The following CUBN variants were observed in gnomAD, a reference collection of about 807,000 sequenced individuals.
CUBN encodes cubilin, also known as 460 kDa receptor.
Under a neutral mutation model 405.3 loss-of-function variants are expected in CUBN, and 282 were observed. The observed-to-expected ratio is 0.70, with a 90% CI of 0.63 to 0.77. The LOEUF (loss-of-function observed/expected upper bound fraction) is 0.77, where lower values mean the gene tolerates loss of function less well. CUBN is among the 30% of genes least tolerant of loss of function. The pLI, the probability that CUBN is intolerant of heterozygous loss-of-function variation, is 0.00. For synonymous variants in CUBN, 1,684 were observed against 1,617.0 expected, an observed-to-expected ratio of 1.04 and a Z score of -0.99; for missense variants, 4,514 against 4,475.2, an observed-to-expected ratio of 1.01 and a Z score of -0.25.
intron 48 of CUBN, among the ~76,000 whole-genome samples, chr10:16,912,584 G>A (rs965122521): frequency 1.1e-4 from 16 of 152,182 alleles, no homozygotes; most frequent in Non-Finnish European, 2.1e-4. Context: ...GGATTAAAAG[G>A]CATTCGAGCA....
chr10:16,906,502 A>G (rs1391725413), intron 49 of CUBN, 93 bp from the exon 50 acceptor site: 1 of 885,430 alleles, frequency 1.1e-6, no homozygotes, highest in Non-Finnish European at 1.9e-6. Flanking sequence ...TAAAACATCA[A>G]CATTACTGCT....
intron 22 of CUBN, among the ~76,000 whole-genome samples, chr10:17,051,587 C>T (rs1249911860): frequency 6.7e-6 from 1 of 150,354 alleles, no homozygotes; most frequent in Non-Finnish European, 1.5e-5. Flanking sequence ...AAATTTTGGC[C>T]CAAAAAGGGA....
chr10:17,093,761 C>A (rs1376988573), intron 14 of CUBN, among the ~76,000 whole-genome samples: 2 of 151,430 alleles, frequency 1.3e-5, no homozygotes, highest in African/African-American at 4.8e-5. Flanking sequence ...GGCTACCAAA[C>A]AATGACTCCA....
chr10:17,106,014 G>A (rs1224854943), intron 10 of CUBN, among the ~76,000 whole-genome samples: 3 of 152,242 alleles, frequency 2.0e-5, no homozygotes, highest in African/African-American at 7.2e-5. Flanking sequence ...GCCAGGCACA[G>A]TGGCTCACGC....
chr10:17,087,460 A>ATTTTTC (rs1373328827), intron 15 of CUBN, among the ~76,000 whole-genome samples: 13 of 99,096 alleles, frequency 1.3e-4, no homozygotes, highest in African/African-American at 4.4e-4. Context: ...AATCACTATT[A>ATTTTTC]TTTTTCTTTT....
intron 28 of CUBN, among the ~76,000 whole-genome samples, chr10:17,010,751 C>A (rs776556951): frequency 6.6e-6 from 1 of 152,178 alleles, no homozygotes; most frequent in African/African-American, 2.4e-5. Context: ...TCCTAATGTA[C>A]GTTTCAAGCT....
intron 46 of CUBN, among the ~76,000 whole-genome samples, chr10:16,915,605 C>T (rs1841861259): frequency 6.6e-6 from 1 of 152,176 alleles, no homozygotes; most frequent in Admixed American, 6.6e-5. Context: ...CAAGTGGCCT[C>T]CAGGGTGGGC....
At chr10:16,961,054 T>C (rs897448379) in intron 31 of CUBN, among the ~76,000 whole-genome samples, 1 of 152,204 alleles carries the variant, frequency 6.6e-6, no homozygotes, top group Non-Finnish European at 1.5e-5. Context: ...CAAACATTTA[T>C]GAAATTTCTT....
At chr10:17,113,610 G>T (rs192910606) in intron 8 of CUBN, among the ~76,000 whole-genome samples, 1 of 152,262 alleles carries the variant, frequency 6.6e-6, no homozygotes, top group South Asian at 2.1e-4. Flanking sequence ...GGTCAAGGCC[G>T]CAAGATACTC....
chr10:16,948,349 T>G, intron 35 of CUBN, 129 bp downstream of exon 35: 1 of 1,152,440 alleles, frequency 8.7e-7, no homozygotes, highest in South Asian at 1.3e-5. Context: ...GGGAAGAAGG[T>G]AAGATTTGGC....
intron 31 of CUBN, among the ~76,000 whole-genome samples, chr10:16,967,843 CAGAG>C (rs143375881): frequency 0.42 from 46,087 of 110,596 alleles, 7,750 homozygotes; most frequent in Middle Eastern, 0.55. Context: ...GAAGGAGAGA[CAGAG>C]GGAGAGAGAG....
At chr10:16,835,312 C>T in intron 63 of CUBN, 117 bp from the exon 64 acceptor site, 1 of 917,588 alleles carries the variant, frequency 1.1e-6, no homozygotes, top group Non-Finnish European at 1.8e-6. Flanking sequence ...AAAAAGTAAT[C>T]CAGCTTCTTC....
At chr10:17,109,432 A>G (rs1241526418) in intron 10 of CUBN, among the ~76,000 whole-genome samples, 2 of 152,174 alleles carry the variant, frequency 1.3e-5, no homozygotes, top group Non-Finnish European at 2.9e-5. Flanking sequence ...TAATTACCTT[A>G]TTTCCTAAAT....
At chr10:17,056,786 G>C (rs904594407) in intron 22 of CUBN, among the ~76,000 whole-genome samples, 3 of 152,100 alleles carry the variant, frequency 2.0e-5, no homozygotes, top group African/African-American at 7.2e-5. Flanking sequence ...CACACTGGAA[G>C]AAAATACTTG....
chr10:16,919,852 C>T, intron 44 of CUBN, 111 bp downstream of exon 44: 1 of 1,174,366 alleles, frequency 8.5e-7, no homozygotes, highest in East Asian at 2.5e-5. Context: ...TCCCTTTTCC[C>T]CTAGATTTCC....
At chr10:17,051,188 C>A (rs938838278) in intron 22 of CUBN, among the ~76,000 whole-genome samples, 1 of 151,712 alleles carries the variant, frequency 6.6e-6, no homozygotes, top group African/African-American at 2.4e-5. Context: ...GGTGAAACAC[C>A]ATCTCTACTA....
At position 16,915,996 on chromosome 10, in the gene CUBN, A is replaced by T; in HGVS notation, c.7035T>A (p.Gly2345=). Residue 2345 remains glycine (G), a synonymous_variant, in exon 46 of 67, where the codon GGT becomes GGA. Coordinates refer to ENST00000377833, the MANE Select transcript of CUBN (RefSeq NM_001081.4). ...TTGGATGTCCAATGCTTTCAACAAC[A>T]CCACTTTGCCCTGGTACTCTTCCCC... ...QCGGRVPGQS[G]VVESIGHPTL... 3 of 1,614,138 alleles carry T rather than the reference A, an allele frequency of 1.9e-6. No homozygotes were observed. The highest frequency in any genetic ancestry group is 2.5e-6 in the Non-Finnish European group (3 of 1,180,020).
At chr10:17,012,916 C>A (rs140206761) in intron 28 of CUBN, among the ~76,000 whole-genome samples, 1 of 152,100 alleles carries the variant, frequency 6.6e-6, no homozygotes, top group Non-Finnish European at 1.5e-5. Flanking sequence ...TCTGGTGGGA[C>A]CTTTGTATGG....
intron 31 of CUBN, among the ~76,000 whole-genome samples, chr10:16,962,636 C>T (rs944044369): frequency 3.3e-5 from 5 of 152,152 alleles, no homozygotes; most frequent in Non-Finnish European, 7.3e-5. Flanking sequence ...GGTTCCTGCC[C>T]TCTTGCTAGC....
Sources: gnomAD v4.1 joint callset for allele counts (sites outside exome capture counted in the v4.1 genomes callset) on GRCh38, gnomAD v4.1.1 for gene constraint, MANE v1.5 for transcripts, NCBI Gene and HGNC (gene_info 2026-07-23, HGNC 2026-07-21) for gene names.